Variants in ATG14 observed in about 807,000 individuals in gnomAD.
ATG14 encodes the protein autophagy related 14, also known as beclin 1-associated autophagy-related key regulator.
A neutral mutation model predicts 60.4 loss-of-function variants in ATG14; 35 were observed. The ratio of observed to expected loss-of-function variants is 0.58; its 90% CI spans 0.44 to 0.77. The LOEUF (loss-of-function observed/expected upper bound fraction) is 0.77. Ranked by LOEUF, ATG14 falls within the 30% of genes least tolerant of loss-of-function variation. The probability of loss-of-function intolerance (pLI) is 0.00; values close to 1 mark genes in which losing one functional copy is unlikely to be tolerated. For synonymous variants in ATG14, 234 were observed against 228.8 expected (o/e 1.02, Z -0.21); for missense variants, 647 against 626.3 (o/e 1.03, Z -0.35).
chr14:55,377,746 A>G, intron 9 of ATG14, 73 bp downstream of exon 9: 2 of 1,136,172 alleles, frequency 1.8e-6, no homozygotes, highest in Admixed American at 2.4e-5. Flanking sequence ...ACACGACTCT[A>G]CTATGCCAAC....
At chr14:55,382,293 G>T in intron 5 of ATG14, 102 bp from the exon 6 acceptor site, 1 of 954,836 alleles carries the variant, frequency 1.0e-6, no homozygotes, top group Non-Finnish European at 1.6e-6. Context: ...CTGCCTATGA[G>T]CACAGAAATT....
chr14:55,382,101 G>A lies in ATG14; in HGVS notation c.738C>T (p.Leu246=), dbSNP rs748901310. Reference sequence around the variant, plus strand: ...GATCGTCACAGACCCATCGTCCTGAGAGGTAAGTTGTCCTCCGGGCTTCAG... The same window carrying A: ...GATCGTCACAGACCCATCGTCCTGAAAGGTAAGTTGTCCTCCGGGCTTCAG... ...KLAEARRTTY[L]SGRWVCDDHN... is the part of the protein sequence containing the mutation. Residue 246 remains leucine, a synonymous_variant, in exon 6 of 10, where the codon CTC becomes CTT. Transcript: ENST00000247178. 1.2e-6 allele frequency: 2 copies of A among 1,614,106 alleles called. No homozygotes were observed. Among genetic ancestry groups the A allele is most frequent in the South Asian group, 2.2e-5 (2 of 91,082 alleles).
chr14:55,383,893 G>A (rs569374396), intron 5 of ATG14, among the ~76,000 whole-genome samples: 1 of 152,332 alleles, frequency 6.6e-6, no homozygotes, highest in South Asian at 2.1e-4. Flanking sequence ...GGAAGTGCCA[G>A]GCGACAGTAC....
rs1336670488 is a variant in ATG14 at position 55,402,968 on chromosome 14, T to TATAA, written c.222-5535_222-5534insTTAT. Among the ~76,000 whole-genome samples, 14 of 60,976 alleles carry TATAA rather than the reference T, an allele frequency of 2.3e-4. No individual in the cohort carries two copies. The East Asian group carries it at 2.9e-3, about 13-fold the overall frequency. 40.0% of individuals were successfully genotyped at this position (60,976 alleles called of 152,430 possible). On this transcript the variant is annotated intron_variant, in intron 1 of 9. Transcript: ENST00000247178. ...ATATATATATATATATATATATATA[T>TATAA]AAATAGCTGGGCATAGTGGTGCATG...
chr14:55,372,590 A>C (rs1223999432), intron 9 of ATG14, among the ~76,000 whole-genome samples: 167 of 114,118 alleles, frequency 1.5e-3, no homozygotes, highest in East Asian at 2.8e-3. Context: ...TTTCTTCCTC[A>C]CTCCTTCCCT....
At chr14:55,398,510 C>G (rs548964214) in intron 1 of ATG14, among the ~76,000 whole-genome samples, 1 of 152,220 alleles carries the variant, frequency 6.6e-6, no homozygotes, top group African/African-American at 2.4e-5. Context: ...CCATAAGAAT[C>G]CTTCTTTTAC....
rs1194666951 is a variant in ATG14 at position 55,380,853 on chromosome 14, G to GTATATATA, written c.878-164_878-163insTATATATA. 1.8e-3 allele frequency among the ~76,000 whole-genome samples: 199 copies of GTATATATA among 107,902 alleles called. 1 individual carries two copies. Among genetic ancestry groups the GTATATATA allele is most frequent in the African/African-American group, 5.0e-3 (107 of 21,538 alleles). The allele number at this position is 107,902 out of a possible 152,430, so 70.8% of individuals were successfully genotyped here. A position where few individuals can be genotyped will look rare whatever the true frequency, so the allele number is the denominator to read the frequency against. On this transcript the variant is annotated intron_variant, in intron 6 of 9. Transcript: ENST00000247178. The stretch of plus-strand genomic sequence containing the variant: ...CAGACATAAATGGTCCATTCTTTGT[G>GTATATATA]TGTATATATATATATATATATATTT...
rs1884737384 is a variant in ATG14 at position 55,368,568 on chromosome 14, G to GC, written c.*1050dup. On this transcript the variant is annotated 3_prime_UTR_variant, in exon 10 of 10. Transcript: ENST00000247178. ...GCTTTCCCCAGAACAGAGCAGAGTA[G>GC]CATCAGCCGTAAGGATCTGCGCTGC... The GC allele has an allele frequency of 6.6e-6, 1 of 152,216 alleles. No homozygotes were observed. Among genetic ancestry groups the GC allele is most frequent in the Admixed American group, 6.5e-5 (1 of 15,268 alleles). 9.4% of individuals were successfully genotyped at this position (152,216 alleles called of 1,614,324 possible).
At chr14:55,407,390 A>G (rs2140154729) in intron 1 of ATG14, among the ~76,000 whole-genome samples, 1 of 152,176 alleles carries the variant, frequency 6.6e-6, no homozygotes, top group South Asian at 2.1e-4. Context: ...CAGCCTCCCA[A>G]AGTGCTGGGA....
chr14:55,376,777 C>G (rs1884925955), intron 9 of ATG14, among the ~76,000 whole-genome samples: 1 of 152,130 alleles, frequency 6.6e-6, no homozygotes, highest in Non-Finnish European at 1.5e-5. Context: ...AAATATATAA[C>G]CATATCACAT....
intron 1 of ATG14, among the ~76,000 whole-genome samples, chr14:55,402,961 ATAT>A (rs1566585776): frequency 3.9e-5 from 3 of 76,742 alleles, no homozygotes; most frequent in Non-Finnish European, 5.6e-5. Flanking sequence ...ATATATATAT[ATAT>A]ATATAAATAG....
chr14:55,398,229 G>A (rs1445265528), intron 1 of ATG14, among the ~76,000 whole-genome samples: 1 of 152,134 alleles, frequency 6.6e-6, no homozygotes, highest in Non-Finnish European at 1.5e-5. Flanking sequence ...GGGCTTACAG[G>A]TGTGAGCCAC....
intron 1 of ATG14, among the ~76,000 whole-genome samples, 172 bp downstream of exon 1, chr14:55,411,430 G>A (rs1274312857): frequency 3.3e-5 from 5 of 152,180 alleles, no homozygotes; most frequent in African/African-American, 1.2e-4. Flanking sequence ...TGGCCCCTAC[G>A]CTGTCCTCTG....
At position 55,371,810 on chromosome 14, in the gene ATG14, C is replaced by A. The variant is rs943734009; in HGVS notation, c.1173-1885G>T. Among the ~76,000 whole-genome samples, 96 of 150,690 alleles carry A rather than the reference C, an allele frequency of 6.4e-4. 1 individual carries two copies. Among genetic ancestry groups the A allele is most frequent in the East Asian group, 4.1e-3 (21 of 5,078 alleles). ...CAGAGCGAGACTCTGTCTCAAAAAA[C>A]AAACAAAAAAACAAAGAGCCCCTCA... On this transcript the variant is annotated intron_variant, in intron 9 of 9. Coordinates refer to ENST00000247178, the MANE Select transcript of ATG14 (RefSeq NM_014924.5).
At chr14:55,393,602 G>A (rs1387119398) in intron 3 of ATG14, among the ~76,000 whole-genome samples, 2 of 151,110 alleles carry the variant, frequency 1.3e-5, no homozygotes, top group Admixed American at 1.3e-4. Flanking sequence ...TTAGAGTATG[G>A]TGGTGTGATT....
At chr14:55,402,968 T>TATATATATATATAA (rs1336670488) in intron 1 of ATG14, among the ~76,000 whole-genome samples, 4 of 60,984 alleles carry the variant, frequency 6.6e-5, no homozygotes, top group African/African-American at 2.3e-4. Flanking sequence ...TATATATATA[T>TATATATATATATAA]AAATAGCTGG....
At position 55,377,801 on chromosome 14, in the gene ATG14, C is replaced by T; in HGVS notation, c.1172+18G>A. 3.3e-6 allele frequency: 5 copies of T among 1,534,632 alleles called. No individual in the cohort carries two copies. Among genetic ancestry groups the T allele is most frequent in the Non-Finnish European group, 4.4e-6 (5 of 1,136,438 alleles). On this transcript the variant is annotated intron_variant, in intron 9 of 9. Coordinates refer to ENST00000247178, the MANE Select transcript of ATG14 (RefSeq NM_014924.5). Reference sequence around the variant, plus strand: ...ATTCACAAAAACACTTAGAGAAAAGCAACAAATATCTTCTTACCTGCCTAG... The same window carrying T: ...ATTCACAAAAACACTTAGAGAAAAGTAACAAATATCTTCTTACCTGCCTAG...
intron 1 of ATG14, among the ~76,000 whole-genome samples, chr14:55,410,008 T>C (rs1352924166): frequency 6.6e-6 from 1 of 151,932 alleles, no homozygotes; most frequent in African/African-American, 2.4e-5. Context: ...AGATAAGTTT[T>C]GAAGAGTAGA....
chr14:55,411,523 G>A (rs1000685043), intron 1 of ATG14, 79 bp downstream of exon 1: 39 of 1,389,828 alleles, frequency 2.8e-5, no homozygotes, highest in East Asian at 9.9e-5. Context: ...CGGACGGGGA[G>A]CCCCAGGTTC....
Sources: allele counts gnomAD v4.1 joint callset (sites outside exome capture counted in the v4.1 genomes callset), GRCh38; gene constraint gnomAD v4.1.1; transcripts MANE v1.5; gene names NCBI Gene and HGNC (gene_info 2026-07-23, HGNC 2026-07-21).